The following ZNF451 variants were observed in gnomAD, a reference collection of about 807,000 sequenced individuals.
ZNF451 encodes the protein E3 SUMO-protein ligase ZNF451.
A neutral mutation model predicts 107.1 loss-of-function variants in ZNF451; 80 were observed. The observed-to-expected ratio is 0.75, with a 90% CI of 0.62 to 0.90. The LOEUF (loss-of-function observed/expected upper bound fraction) is 0.90. Ranked by LOEUF, ZNF451 falls within the 40% of genes least tolerant of loss-of-function variation. The pLI, the probability that ZNF451 is intolerant of heterozygous loss-of-function variation, is 0.00. For synonymous variants in ZNF451, 362 were observed against 406.5 expected (o/e 0.89, Z 1.32); for missense variants, 1,107 against 1,236.2 (o/e 0.90, Z 1.57).
At chr6:57,102,675 A>G (rs1829663275) in intron 3 of ZNF451, 1 of 985,482 alleles carries the variant, frequency 1.0e-6, no homozygotes, top group African/African-American at 1.7e-5. Context: ...AGAATCAGCC[A>G]TGAAGCTTTG....
chr6:57,101,282 G>T, intron 3 of ZNF451: 1 of 1,550,958 alleles, frequency 6.4e-7, no homozygotes, highest in Non-Finnish European at 8.7e-7. Context: ...AAACCTGATT[G>T]TGTGACTTCT....
intron 13 of ZNF451, 65 bp downstream of exon 13, chr6:57,154,112 A>C (rs1375981379): frequency 1.3e-6 from 2 of 1,514,660 alleles, no homozygotes; most frequent in South Asian, 2.3e-5. Flanking sequence ...GAGAGAAACC[A>C]ATAAACTGCT....
At position 57,161,085 on chromosome 6, in the gene ZNF451, A is replaced by T. The variant is rs370876994; in HGVS notation, c.3072A>T (p.Glu1024Asp). Residue 1024 changes from glutamate to aspartate, a missense_variant and splice_region_variant, in exon 14 of 15, where the codon GAA becomes GAT. Glu to Asp is a conservative substitution (Grantham distance 45, BLOSUM62 2). This residue lies in a region of ZNF451 where 151 missense variants were observed against 173.3 expected (regional missense o/e 0.87). Coordinates refer to ENST00000370706, the MANE Select transcript of ZNF451 (RefSeq NM_001031623.3). ...GCATGTATTGATTCTTCTTTACAGA[A>T]TGTGACAGTGATGATAACATGGGTG... ...LLNSISDTTK[E>D]CDSDDNMGAK... 1 of 1,551,836 alleles carries T rather than the reference A, an allele frequency of 6.4e-7. No individual in the cohort carries two copies. Among genetic ancestry groups the T allele is most frequent in the African/African-American group, 1.4e-5 (1 of 71,764 alleles).
chr6:57,132,051 G>A (rs1831202339), intron 5 of ZNF451, among the ~76,000 whole-genome samples: 8 of 152,060 alleles, frequency 5.3e-5, no homozygotes, highest in Admixed American at 5.2e-4. Context: ...GGATAAAGGA[G>A]GATTAATTAA....
intron 13 of ZNF451, chr6:57,158,432 C>A: frequency 1.2e-6 from 1 of 821,386 alleles, no homozygotes; most frequent in Non-Finnish European, 1.5e-6. Context: ...TGATTATATG[C>A]TGAATATAGC....
rs1764073964 is a variant in ZNF451 at position 57,170,272 on chromosome 6, A to G, written c.*1803A>G. On this transcript the variant is annotated 3_prime_UTR_variant, in exon 15 of 15. Transcript: ENST00000370706. ...AACATCAGAGAAAGCTATATGGATT[A>G]TCGTCAGAAGTAAATGTTTCTAACA... 6.6e-6 allele frequency: 1 copy of G among 152,254 alleles called. No individual in the cohort carries two copies. Among genetic ancestry groups the G allele is most frequent in the African/African-American group, 2.4e-5 (1 of 41,472 alleles). The allele number at this position is 152,254 out of a possible 1,614,324, so 9.4% of individuals were successfully genotyped here.
chr6:57,102,627 C>T (rs1829660917), intron 3 of ZNF451: 6 of 986,148 alleles, frequency 6.1e-6, no homozygotes, highest in Non-Finnish European at 7.2e-6. Context: ...GGTCAACTCA[C>T]CAAGAGTCCG....
intron 7 of ZNF451, among the ~76,000 whole-genome samples, chr6:57,135,278 A>G (rs1831375178): frequency 6.6e-6 from 1 of 152,182 alleles, no homozygotes; most frequent in Non-Finnish European, 1.5e-5. Context: ...TAGTATTTAA[A>G]AAGCTATGTC....
chr6:57,169,796 G>A lies in ZNF451; in HGVS notation c.*1327G>A, dbSNP rs957684766. ...TTGAGAATTTATCAATCATCTTTCC[G>A]AAATGACCACATTGTGCTTTTAGTT... is the stretch of plus-strand genomic sequence containing the variant. On this transcript the variant is annotated 3_prime_UTR_variant, in exon 15 of 15. Transcript: ENST00000370706. 8.5e-5 allele frequency: 13 copies of A among 152,054 alleles called. No homozygotes were observed. Among genetic ancestry groups the A allele is most frequent in the Non-Finnish European group, 1.2e-4 (8 of 68,020 alleles). The allele number at this position is 152,054 out of a possible 1,614,324, so 9.4% of individuals were successfully genotyped here.
chr6:57,157,269 A>G (rs919286925), intron 13 of ZNF451, among the ~76,000 whole-genome samples: 5 of 152,210 alleles, frequency 3.3e-5, no homozygotes, highest in African/African-American at 1.2e-4. Context: ...GATCTTTTGA[A>G]TATTGTTATC....
At chr6:57,145,677 AT>A (rs1460587542) in intron 9 of ZNF451, among the ~76,000 whole-genome samples, 2 of 151,988 alleles carry the variant, frequency 1.3e-5, no homozygotes, top group East Asian at 3.9e-4. Context: ...TATATACCAT[AT>A]TTTCTTTATT....
chr6:57,102,770 A>G (rs551859317), intron 3 of ZNF451: 9 of 985,466 alleles, frequency 9.1e-6, no homozygotes, highest in African/African-American at 8.7e-5. Context: ...TATTATGGAC[A>G]CCAACTGGAA....
chr6:57,096,556 T>C (rs1214116362), intron 2 of ZNF451, among the ~76,000 whole-genome samples: 1 of 140,746 alleles, frequency 7.1e-6, no homozygotes, highest in African/African-American at 2.6e-5. Flanking sequence ...TCTTCTTCTT[T>C]ACTTTCTGTG....
At chr6:57,138,741 A>ATATATATATGTGTGTG (rs1365084616) in intron 7 of ZNF451, among the ~76,000 whole-genome samples, 1 of 46,588 alleles carries the variant, frequency 2.1e-5, no homozygotes, top group African/African-American at 9.2e-5. Context: ...ATATATATAT[A>ATATATATATGTGTGTG]TGTGTGTGTG....
intron 2 of ZNF451, among the ~76,000 whole-genome samples, chr6:57,094,650 TA>T (rs1562584315): frequency 6.6e-6 from 1 of 152,214 alleles, no homozygotes; most frequent in East Asian, 1.9e-4. Context: ...TTTTTCTTGA[TA>T]TTTTTATTAT....
At chr6:57,134,944 T>C in intron 7 of ZNF451, 74 bp downstream of exon 7, 1 of 1,302,250 alleles carries the variant, frequency 7.7e-7, no homozygotes, top group African/African-American at 1.5e-5. Flanking sequence ...TTTTTCCTGC[T>C]GTTCTTAAGC....
intron 3 of ZNF451, chr6:57,108,752 A>G (rs1301259559): frequency 3.0e-6 from 3 of 985,324 alleles, no homozygotes; most frequent in African/African-American, 1.7e-5. Flanking sequence ...CTGGGAAGGC[A>G]GTAGAAGAAA....
At chr6:57,097,344 T>G (rs1829377553) in intron 2 of ZNF451, among the ~76,000 whole-genome samples, 1 of 152,218 alleles carries the variant, frequency 6.6e-6, no homozygotes, top group Non-Finnish European at 1.5e-5. Flanking sequence ...TGGATGCCTA[T>G]TCTAGGGAAG....
rs1233679294 is a variant in ZNF451, at chr6:57,147,646, C to A, written c.1561C>A (p.His521Asn). The A allele has an allele frequency of 6.2e-7, 1 of 1,613,970 alleles. No individual in the cohort carries two copies. The highest frequency in any genetic ancestry group is 1.3e-5 in the African/African-American group (1 of 74,900). ...GVIRLHMSRI[H>N]GGAHLNNFLF... ...CATTCGTTTACACATGAGCCGGATT[C>A]ACGGAGGGGCACATTTAAATAACTT... is the stretch of plus-strand genomic sequence containing the variant. Residue 521 changes from histidine (H) to asparagine (N), a missense_variant, in exon 10 of 15, where the codon CAC (histidine) becomes AAC (asparagine). His to Asn is a moderately conservative substitution (Grantham distance 68). Transcript: ENST00000370706.
Sources: gnomAD v4.1 joint callset for allele counts (sites outside exome capture counted in the v4.1 genomes callset) on GRCh38, gnomAD v4.1.1 for gene constraint, gnomAD v4.1.1 regional missense constraint, MANE v1.5 for transcripts, NCBI Gene and HGNC (gene_info 2026-07-23, HGNC 2026-07-21) for gene names.